Variants in LARGE1 observed in about 807,000 individuals in gnomAD.
LARGE1 encodes the protein LARGE xylosyl- and glucuronyltransferase 1.
A neutral mutation model predicts 87.6 loss-of-function variants in LARGE1; 43 were observed. That is an observed-to-expected ratio of 0.49 (90% CI 0.38 to 0.63). The LOEUF (loss-of-function observed/expected upper bound fraction) is 0.63. LARGE1 is among the 30% of genes least tolerant of loss of function. The pLI is 0.00. For synonymous variants in LARGE1, 434 were observed against 394.6 expected, an observed-to-expected ratio of 1.10 and a Z score of -1.18; for missense variants, 802 against 1,000.2, an observed-to-expected ratio of 0.80 and a Z score of 2.67.
chr22:33,614,770 G>C (rs897921290), intron 4 of LARGE1, among the ~76,000 whole-genome samples: 3 of 152,134 alleles, frequency 2.0e-5, no homozygotes, highest in African/African-American at 4.8e-5. Flanking sequence ...TAACCTCCAA[G>C]ACTACCTCCT....
intron 6 of LARGE1, among the ~76,000 whole-genome samples, chr22:33,468,436 C>CT (rs1352933141): frequency 1.3e-5 from 2 of 152,148 alleles, no homozygotes; most frequent in Non-Finnish European, 2.9e-5. Context: ...CTCCCATCTC[C>CT]TTTTAAAAAC....
chr22:33,692,356 G>A (rs2082121216), intron 2 of LARGE1, among the ~76,000 whole-genome samples: 1 of 152,122 alleles, frequency 6.6e-6, no homozygotes, highest in Non-Finnish European at 1.5e-5. Context: ...TGTCACCCAG[G>A]CTGGAGTGCA....
At chr22:33,446,626 G>C (rs2067695592) in intron 6 of LARGE1, among the ~76,000 whole-genome samples, 2 of 152,224 alleles carry the variant, frequency 1.3e-5, no homozygotes, top group South Asian at 4.1e-4. Context: ...ATGTGGCTGA[G>C]ACAAATAGAT....
chr22:33,626,563 T>C (rs2079929082), intron 3 of LARGE1, among the ~76,000 whole-genome samples: 1 of 152,220 alleles, frequency 6.6e-6, no homozygotes, highest in South Asian at 2.1e-4. Context: ...AATTACATTT[T>C]GGGGACAAGA....
At position 33,384,012 on chromosome 22, in the gene LARGE1, G is replaced by A. The variant is rs150525486; in HGVS notation, c.1005+180C>T. Among the ~76,000 whole-genome samples the A allele has an allele frequency of 1.1e-4, 17 of 152,334 alleles. No individual in the cohort carries two copies. The East Asian group carries it at 1.2e-3, about 10-fold the overall frequency. Reference sequence around the variant, plus strand: ...CGAATGAACAAATGAATGAACAAAGGGAAGGCACTAAGGAGTTGAGCTGTT... The same window carrying A: ...CGAATGAACAAATGAATGAACAAAGAGAAGGCACTAAGGAGTTGAGCTGTT... On this transcript the variant is annotated intron_variant, in intron 8 of 14. Transcript: ENST00000397394.
At chr22:33,361,955 C>T (rs1475718332) in intron 9 of LARGE1, among the ~76,000 whole-genome samples, 1 of 149,402 alleles carries the variant, frequency 6.7e-6, no homozygotes, top group Non-Finnish European at 1.5e-5. Flanking sequence ...CTTTCCCTTT[C>T]CTGGTCATTA....
intron 2 of LARGE1, among the ~76,000 whole-genome samples, chr22:33,654,982 A>G (rs528278403): frequency 6.6e-5 from 10 of 152,324 alleles, no homozygotes; most frequent in Non-Finnish European, 1.0e-4. Flanking sequence ...AATCAAGACT[A>G]TTGATCATAC....
chr22:33,690,505 T>A (rs2082068722), intron 2 of LARGE1, among the ~76,000 whole-genome samples: 1 of 151,676 alleles, frequency 6.6e-6, no homozygotes, highest in African/African-American at 2.4e-5. Flanking sequence ...CTCCCAAAGA[T>A]CAACAGGAGG....
rs181474165 is a variant in LARGE1, at chr22:33,253,098, G to A, written c.1730+51131C>T. On this transcript the variant is annotated intron_variant, in intron 11 of 11. Coordinates refer to the LARGE1 transcript ENST00000608642. ...ATTATTGAAAGGAGAATGAACAGAC[G>A]TGTCAAGTGAAGTGGAGACAGCGAA... 1.4e-3 allele frequency among the ~76,000 whole-genome samples: 211 copies of A among 152,282 alleles called. 2 individuals carry two copies. The highest frequency in any genetic ancestry group is 4.8e-3 in the African/African-American group (200 of 41,562).
intron 1 of LARGE1, among the ~76,000 whole-genome samples, chr22:33,917,130 C>T (rs114981905): frequency 0.013 from 2,026 of 152,308 alleles, 40 homozygotes; most frequent in African/African-American, 0.037. Flanking sequence ...CAGAGTCTAA[C>T]TCTACATGCT....
At chr22:33,299,026 T>C (rs907114942) in intron 12 of LARGE1, among the ~76,000 whole-genome samples, 1 of 151,398 alleles carries the variant, frequency 6.6e-6, no homozygotes, top group Non-Finnish European at 1.5e-5. Flanking sequence ...CTGGGCAACA[T>C]AGCGAAACCC....
chr22:33,256,494 A>G (rs1284133200), intron 11 of LARGE1, among the ~76,000 whole-genome samples: 1 of 152,170 alleles, frequency 6.6e-6, no homozygotes, highest in Non-Finnish European at 1.5e-5. Context: ...GGGGATAATT[A>G]ATCTCTTTTC....
Position 33,810,224 on chromosome 22 carries a change from T to C in LARGE1, c.-82-48666A>G, listed in dbSNP as rs151311802. On this transcript the variant is annotated intron_variant, in intron 1 of 14. Coordinates refer to ENST00000397394, the MANE Select transcript of LARGE1 (RefSeq NM_133642.5). ...GTTTTCACGTTTGCAGGTAAAGAAA[T>C]TGGTTGAGAGAGTTTACACTGACCA... is the stretch of plus-strand genomic sequence containing the variant. 3.9e-5 allele frequency among the ~76,000 whole-genome samples: 6 copies of C among 152,286 alleles called. No homozygotes were observed. The East Asian group carries it at 9.6e-4, about 24-fold the overall frequency.
At chr22:33,732,697 A>G (rs1431450088) in intron 2 of LARGE1, 1 of 152,202 alleles carries the variant, frequency 6.6e-6, no homozygotes, top group Non-Finnish European at 1.5e-5. Context: ...AATGGGGAAA[A>G]GATTGAATGT....
At chr22:33,571,002 C>G (rs745777403) in intron 5 of LARGE1, among the ~76,000 whole-genome samples, 1 of 152,140 alleles carries the variant, frequency 6.6e-6, no homozygotes, top group Non-Finnish European at 1.5e-5. Flanking sequence ...TAATATCCCA[C>G]CATGTTGTTC....
In LARGE1 at chr22:33,215,060, G is replaced by T. The variant is rs368777166; in HGVS notation, c.1731-48228C>A. Among the ~76,000 whole-genome samples, 3 of 152,286 alleles carry T rather than the reference G, an allele frequency of 2.0e-5. No individual in the cohort carries two copies. The East Asian group carries it at 5.8e-4, about 29-fold the overall frequency. On this transcript the variant is annotated intron_variant, in intron 11 of 11. Coordinates refer to the LARGE1 transcript ENST00000608642. ...AAAAATCTCTGATATACTTTCAGGG[G>T]CATTCTTCCATTTTCTTGATGTCTA...
At chr22:33,091,651 C>T in the LARGE1 span, among the ~76,000 whole-genome samples, 139 of 152,242 alleles carry the variant, frequency 9.1e-4, no homozygotes, top group African/African-American at 3.2e-3. Flanking sequence ...CATGGTAAAG[C>T]GAAAAGACTT....
intron 11 of LARGE1, among the ~76,000 whole-genome samples, chr22:33,206,457 C>G (rs1924691009): frequency 6.6e-6 from 1 of 151,956 alleles, no homozygotes; most frequent in African/African-American, 2.4e-5. Context: ...CCTTACTTAC[C>G]TACAGATTCA....
chr22:33,292,911 C>T (rs946705392), intron 12 of LARGE1, among the ~76,000 whole-genome samples: 7 of 152,084 alleles, frequency 4.6e-5, no homozygotes, highest in African/African-American at 1.2e-4. Flanking sequence ...GCTTTATGGA[C>T]TTGGTGATTA....
Sources: allele counts gnomAD v4.1 joint callset (sites outside exome capture counted in the v4.1 genomes callset), GRCh38; gene constraint gnomAD v4.1.1; transcripts MANE v1.5; gene names NCBI Gene and HGNC (gene_info 2026-07-23, HGNC 2026-07-21).